The following ARFIP1 variants were observed in gnomAD, a reference collection of about 807,000 sequenced individuals.
The protein encoded by ARFIP1 is ARF interacting protein 1.
A neutral mutation model predicts 42.5 loss-of-function variants in ARFIP1; 24 were observed. The ratio of observed to expected loss-of-function variants is 0.57; its 90% confidence interval spans 0.41 to 0.80. ARFIP1 has a LOEUF of 0.80. ARFIP1 is among the 30% of genes least tolerant of loss of function. ARFIP1 has a pLI of 0.00. For missense variants in ARFIP1, 354 were observed against 434.0 expected, an observed-to-expected ratio of 0.82 and a Z score of 1.64; for synonymous variants, 141 against 153.7, an observed-to-expected ratio of 0.92 and a Z score of 0.61.
intron 2 of ARFIP1, among the ~76,000 whole-genome samples, chr4:152,861,603 A>G (rs1733901311): frequency 6.6e-6 from 1 of 152,184 alleles, no homozygotes; most frequent in African/African-American, 2.4e-5. Context: ...GTTATATTAT[A>G]CAACATGTCA....
intron 1 of ARFIP1, among the ~76,000 whole-genome samples, chr4:152,781,246 T>C (rs910124377): frequency 2.0e-5 from 3 of 147,572 alleles, no homozygotes; most frequent in Non-Finnish European, 4.5e-5. Context: ...TTTTTTTTTT[T>C]TTTTTTTGAG....
intron 1 of ARFIP1, among the ~76,000 whole-genome samples, chr4:152,799,130 C>G (rs1168078357): frequency 1.3e-5 from 2 of 152,116 alleles, no homozygotes; most frequent in Non-Finnish European, 2.9e-5. Flanking sequence ...TTAATTTTTA[C>G]TTATTGCAGT....
intron 1 of ARFIP1, among the ~76,000 whole-genome samples, chr4:152,791,038 C>T (rs563141200): frequency 7.9e-5 from 12 of 151,758 alleles, no homozygotes; most frequent in South Asian, 6.2e-4. Context: ...ATGCCTGGCC[C>T]GATGTGTTTA....
chr4:152,910,435 T>C lies in ARFIP1; in HGVS notation c.*216T>C. The stretch of plus-strand genomic sequence containing the variant: ...GTTTCTATAATCTGAACACAATAAT[T>C]TTCCTTTTTGAGAAATCCTTTTGTA... On this transcript the variant is annotated 3_prime_UTR_variant, in exon 9 of 9. Transcript: ENST00000353617. The C allele has an allele frequency of 2.2e-6, 1 of 449,672 alleles. No homozygotes were observed. Among genetic ancestry groups the C allele is most frequent in the East Asian group, 4.1e-5 (1 of 24,614 alleles). 27.9% of individuals were successfully genotyped at this position (449,672 alleles called of 1,614,324 possible). A position where few individuals can be genotyped will look rare whatever the true frequency, so the allele number is the denominator to read the frequency against.
At chr4:152,850,802 A>G (rs1455347565) in intron 2 of ARFIP1, 1 of 152,224 alleles carries the variant, frequency 6.6e-6, no homozygotes, top group Admixed American at 6.5e-5. Flanking sequence ...ACAATAGAAT[A>G]TTGATAAGTA....
At chr4:152,819,697 C>A (rs1730201750) in intron 1 of ARFIP1, among the ~76,000 whole-genome samples, 1 of 152,190 alleles carries the variant, frequency 6.6e-6, no homozygotes. Context: ...CATGAATTTT[C>A]TACTTGGGGG....
intron 1 of ARFIP1, among the ~76,000 whole-genome samples, chr4:152,822,753 A>G (rs1449906289): frequency 1.3e-5 from 2 of 152,214 alleles, no homozygotes; most frequent in African/African-American, 4.8e-5. Flanking sequence ...ACTCAATTCT[A>G]AAAAGAACCC....
intron 1 of ARFIP1, chr4:152,810,088 C>T (rs1561113469): frequency 6.6e-6 from 1 of 152,198 alleles, no homozygotes; most frequent in Non-Finnish European, 1.5e-5. Context: ...AGGTTTGGTA[C>T]ATGACGATGC....
At position 152,872,553 on chromosome 4, in the gene ARFIP1, A is replaced by T; in HGVS notation, c.400A>T (p.Asn134Tyr). The T allele has an allele frequency of 6.3e-7, 1 of 1,588,166 alleles. No individual in the cohort carries two copies. Residue 134 changes from asparagine to tyrosine, a missense_variant, in exon 5 of 9, where the codon AAC becomes TAC. Transcript: ENST00000353617. ...AGAACTTGTTAGAAAATGGAGTCTA[A>T]ACACCTATAAGGTTTGTAATTATTT... ...KLELVRKWSL[N>Y]TYKCTRQIIS... is the part of the protein sequence containing the mutation.
chr4:152,802,476 T>A (rs1487162331), intron 1 of ARFIP1, among the ~76,000 whole-genome samples: 2 of 152,142 alleles, frequency 1.3e-5, no homozygotes, highest in African/African-American at 4.8e-5. Context: ...AACCTGAACA[T>A]TGGAAATATT....
chr4:152,812,831 C>G (rs976947906), intron 1 of ARFIP1, among the ~76,000 whole-genome samples: 2 of 152,178 alleles, frequency 1.3e-5, no homozygotes, highest in Non-Finnish European at 2.9e-5. Context: ...CTAGATTCCT[C>G]CTTCTTTTTC....
intron 2 of ARFIP1, among the ~76,000 whole-genome samples, chr4:152,861,490 A>G (rs1733892301): frequency 6.6e-6 from 1 of 152,240 alleles, no homozygotes; most frequent in South Asian, 2.1e-4. Context: ...TTGCTTATAC[A>G]TTGGTCAAGA....
At chr4:152,805,374 C>T (rs112999499) in intron 1 of ARFIP1, among the ~76,000 whole-genome samples, 31 of 152,252 alleles carry the variant, frequency 2.0e-4, no homozygotes, top group African/African-American at 7.2e-4. Context: ...AATCCAGGCC[C>T]ACATATCTAG....
intron 1 of ARFIP1, among the ~76,000 whole-genome samples, chr4:152,800,469 A>G (rs1178258272): frequency 1.3e-5 from 2 of 152,196 alleles, no homozygotes; most frequent in Admixed American, 6.5e-5. Flanking sequence ...GAAAGAAAAG[A>G]TGAGTAAATT....
At chr4:152,904,733 C>G (rs902490382) in intron 8 of ARFIP1, among the ~76,000 whole-genome samples, 1 of 152,070 alleles carries the variant, frequency 6.6e-6, no homozygotes, top group East Asian at 1.9e-4. Flanking sequence ...GATCCTGTTC[C>G]TTTTTATGGC....
chr4:152,889,590 CAT>C (rs1273556822), intron 8 of ARFIP1, among the ~76,000 whole-genome samples: 5 of 108,638 alleles, frequency 4.6e-5, no homozygotes, highest in African/African-American at 1.8e-4. Context: ...TATATATACA[CAT>C]AAATATATAT....
intron 1 of ARFIP1, among the ~76,000 whole-genome samples, chr4:152,822,341 T>C (rs1378459784): frequency 8.2e-6 from 1 of 121,530 alleles, no homozygotes; most frequent in African/African-American, 3.1e-5. Flanking sequence ...TATATAATAG[T>C]AAAAAGTTCA....
chr4:152,834,784 C>T (rs376516227), intron 2 of ARFIP1, among the ~76,000 whole-genome samples: 1 of 152,310 alleles, frequency 6.6e-6, no homozygotes, highest in African/African-American at 2.4e-5. Context: ...GCTCCCTTCC[C>T]ACAGCTCTCC....
At chr4:152,798,938 C>T (rs1390647090) in intron 1 of ARFIP1, among the ~76,000 whole-genome samples, 1 of 152,160 alleles carries the variant, frequency 6.6e-6, no homozygotes, top group Admixed American at 6.5e-5. Flanking sequence ...TCACATCAGT[C>T]CTAAAGAGCA....
Sources: gnomAD v4.1 joint callset for allele counts (sites outside exome capture counted in the v4.1 genomes callset) on GRCh38, gnomAD v4.1.1 for gene constraint, MANE v1.5 for transcripts, NCBI Gene and HGNC (gene_info 2026-07-23, HGNC 2026-07-21) for gene names.